The following IL1RAPL2 variants were observed in gnomAD, a reference collection of about 807,000 sequenced individuals.
IL1RAPL2 encodes the protein X-linked interleukin-1 receptor accessory protein-like 2.
Under a neutral mutation model 44.1 loss-of-function variants are expected in IL1RAPL2, and 3 were observed. That is an observed-to-expected ratio of 0.07 (90% confidence interval 0.03 to 0.18). The LOEUF (loss-of-function observed/expected upper bound fraction) is 0.18. IL1RAPL2 is among the 10% of genes least tolerant of loss of function. The pLI is 1.00. For missense variants in IL1RAPL2, 391 were observed against 496.4 expected (o/e 0.79, Z 2.02); for synonymous variants, 181 against 178.8 (o/e 1.01, Z -0.10).
chrX:105,693,829 C>G (rs113482884), intron 6 of IL1RAPL2, among the ~76,000 whole-genome samples: 19 of 110,759 alleles, frequency 1.7e-4, no homozygotes, highest in Non-Finnish European at 3.2e-4. Context: ...CTTTGAAGCT[C>G]GAGGAAGCTG....
chrX:105,476,309 A>T (rs1386974456), intron 5 of IL1RAPL2, among the ~76,000 whole-genome samples: 1 of 112,632 alleles, frequency 8.9e-6, no homozygotes, highest in Non-Finnish European at 1.9e-5. Context: ...AGTTCTCAAT[A>T]ATTTTATCTT....
chrX:104,993,884 C>A (rs1279091837), intron 2 of IL1RAPL2, among the ~76,000 whole-genome samples: 1 of 111,824 alleles, frequency 8.9e-6, no homozygotes, highest in African/African-American at 3.2e-5. Flanking sequence ...CTATGCTATA[C>A]TGTATTACAG....
intron 5 of IL1RAPL2, among the ~76,000 whole-genome samples, chrX:105,460,732 GTT>G: frequency 8.9e-6 from 1 of 111,836 alleles, no homozygotes; most frequent in East Asian, 2.8e-4. Flanking sequence ...GGCAAGAAAA[GTT>G]TTCTAGTCCT....
At chrX:105,256,018 A>G (rs56788171) in intron 4 of IL1RAPL2, among the ~76,000 whole-genome samples, 111 of 112,021 alleles carry the variant, frequency 9.9e-4, no homozygotes, top group African/African-American at 3.4e-3. Flanking sequence ...TGATCATGGT[A>G]TATTAACTTT....
chrX:105,753,153 A>G (rs958354746), intron 9 of IL1RAPL2, among the ~76,000 whole-genome samples: 2 of 111,461 alleles, frequency 1.8e-5, no homozygotes, highest in African/African-American at 3.3e-5. Flanking sequence ...AGAACCAAGA[A>G]TATGTGAGTT....
intron 7 of IL1RAPL2, among the ~76,000 whole-genome samples, chrX:105,728,218 T>TATC (rs1403347905): frequency 1.8e-5 from 2 of 111,614 alleles, no homozygotes; most frequent in Non-Finnish European, 3.8e-5. Context: ...GGCAACTCCT[T>TATC]ATCTTTTTAC....
At chrX:105,435,986 C>T (rs1433849734) in intron 5 of IL1RAPL2, among the ~76,000 whole-genome samples, 1 of 110,677 alleles carries the variant, frequency 9.0e-6, no homozygotes, top group Non-Finnish European at 1.9e-5. Context: ...CAGCAAACCA[C>T]CGTGGCACAT....
intron 2 of IL1RAPL2, among the ~76,000 whole-genome samples, chrX:105,083,916 A>C (rs1000846724): frequency 2.7e-5 from 3 of 112,067 alleles, no homozygotes; most frequent in Non-Finnish European, 5.6e-5. Flanking sequence ...CTAATAAGCA[A>C]AATAACCAGC....
At chrX:105,077,139 T>C (rs150451849) in intron 2 of IL1RAPL2, among the ~76,000 whole-genome samples, 2,533 of 111,587 alleles carry the variant, frequency 0.023, 63 homozygotes, top group African/African-American at 0.079. Flanking sequence ...CTCCTAGCCT[T>C]GATGGTCTTT....
intron 9 of IL1RAPL2, 25 bp from the exon 10 acceptor site, chrX:105,755,152 C>T: frequency 9.1e-7 from 1 of 1,097,435 alleles, no homozygotes; most frequent in Non-Finnish European, 1.2e-6. Flanking sequence ...TAGTTACAAC[C>T]CTTTTGTTGT....
At chrX:105,051,305 C>T (rs1305191347) in intron 2 of IL1RAPL2, among the ~76,000 whole-genome samples, 1 of 37 alleles carries the variant, frequency 0.027, no homozygotes, top group Non-Finnish European at 0.071. Context: ...GTCATGTCTG[C>T]CCCTGAGGTG....
chrX:105,040,465 C>T (rs1488545207), intron 2 of IL1RAPL2, among the ~76,000 whole-genome samples: 1 of 111,290 alleles, frequency 9.0e-6, no homozygotes, highest in Admixed American at 9.6e-5. Context: ...GGTACCAGTT[C>T]CTCCTTGTAT....
intron 5 of IL1RAPL2, among the ~76,000 whole-genome samples, chrX:105,349,918 C>T (rs2035139745): frequency 8.9e-6 from 1 of 111,858 alleles, no homozygotes; most frequent in Non-Finnish European, 1.9e-5. Flanking sequence ...TGAAAGGATA[C>T]TACAAATGAA....
chrX:104,661,941 GT>G (rs1387346400), intron 2 of IL1RAPL2, among the ~76,000 whole-genome samples: 1 of 112,059 alleles, frequency 8.9e-6, no homozygotes, highest in African/African-American at 3.2e-5. Context: ...TGTGAAGATA[GT>G]TATAATGATT....
chrX:105,207,968 G>A (rs1556154053), intron 3 of IL1RAPL2, among the ~76,000 whole-genome samples: 1 of 111,793 alleles, frequency 8.9e-6, no homozygotes, highest in Non-Finnish European at 1.9e-5. Flanking sequence ...AATAGCTTTT[G>A]TCTTATAGAA....
intron 3 of IL1RAPL2, among the ~76,000 whole-genome samples, chrX:105,221,560 C>G (rs900009911): frequency 3.6e-5 from 4 of 111,917 alleles, no homozygotes; most frequent in Non-Finnish European, 5.6e-5. Flanking sequence ...TTGGCTACAG[C>G]AAGGCATTTG....
At position 105,662,194 on chromosome X, in the gene IL1RAPL2, A is replaced by G. The variant is rs776701521; in HGVS notation, c.773-55173A>G. On this transcript the variant is annotated intron_variant, in intron 6 of 10. Coordinates refer to ENST00000372582, the MANE Select transcript of IL1RAPL2 (RefSeq NM_017416.2). ...CAAAGCCAGAATTTTCACTGCTCTCATGCTTTTTTGTTTCTGTACATCAGA... is the reference window on the plus strand; with the variant it reads ...CAAAGCCAGAATTTTCACTGCTCTCGTGCTTTTTTGTTTCTGTACATCAGA... Among the ~76,000 whole-genome samples the G allele has an allele frequency of 1.5e-4, 17 of 112,147 alleles. No individual in the cohort carries two copies. In the South Asian group the frequency reaches 6.3e-3, roughly 42 times the overall value.
rs1431920632 is a variant in IL1RAPL2 at position 105,553,944 on chromosome X, A to T, written c.772+69557A>T. ...TCCTTTCCCAATTTTGAAAAGCATT[A>T]TCTTCAACATTGAGCCACCCAACCA... On this transcript the variant is annotated intron_variant, in intron 6 of 10. Coordinates refer to ENST00000372582, the MANE Select transcript of IL1RAPL2 (RefSeq NM_017416.2). 2.7e-5 allele frequency among the ~76,000 whole-genome samples: 3 copies of T among 113,032 alleles called. No homozygotes were observed. In the East Asian group the frequency reaches 8.3e-4, roughly 31 times the overall value.
chrX:105,163,060 A>G (rs775804690), intron 2 of IL1RAPL2, among the ~76,000 whole-genome samples: 3 of 111,970 alleles, frequency 2.7e-5, no homozygotes, highest in African/African-American at 9.7e-5. Context: ...TTGCAAAACT[A>G]TGACCCAGGG....
Sources: gnomAD v4.1 joint callset for allele counts (sites outside exome capture counted in the v4.1 genomes callset) on GRCh38, gnomAD v4.1.1 for gene constraint, MANE v1.5 for transcripts, NCBI Gene and HGNC (gene_info 2026-07-23, HGNC 2026-07-21) for gene names.